Variants in KATNA1 observed in about 807,000 individuals in gnomAD.
KATNA1 encodes katanin p60 ATPase-containing subunit A1.
In KATNA1, 42 loss-of-function variants were observed where a neutral mutation model predicts 62.6. That is an observed-to-expected ratio of 0.67 (90% CI 0.52 to 0.87). KATNA1 has a LOEUF of 0.87. Ranked by LOEUF, KATNA1 falls within the 40% of genes least tolerant of loss-of-function variation. The pLI is 0.00. For missense variants in KATNA1, 498 were observed against 612.5 expected, an observed-to-expected ratio of 0.81 and a Z score of 1.97; for synonymous variants, 186 against 201.9, an observed-to-expected ratio of 0.92 and a Z score of 0.67.
chr6:149,602,321 C>T (rs575501868), intron 6 of KATNA1, among the ~76,000 whole-genome samples: 3 of 152,272 alleles, frequency 2.0e-5, no homozygotes, highest in East Asian at 3.9e-4. Context: ...GAGGCAAGAT[C>T]GCACTGCACT....
chr6:149,635,861 A>G (rs1780047221), intron 2 of KATNA1, among the ~76,000 whole-genome samples: 1 of 151,818 alleles, frequency 6.6e-6, no homozygotes, highest in Admixed American at 6.6e-5. Flanking sequence ...GTTTGAGACC[A>G]GCTGGCTACA....
intron 4 of KATNA1, among the ~76,000 whole-genome samples, chr6:149,614,609 A>G (rs1469508551): frequency 6.6e-6 from 1 of 152,094 alleles, no homozygotes; most frequent in Non-Finnish European, 1.5e-5. Flanking sequence ...CTGTCTCTAC[A>G]AAAAAGATGA....
chr6:149,623,257 T>A lies in KATNA1; in HGVS notation c.347A>T (p.Gln116Leu), dbSNP rs1245514300. ...RRPSPGPRKR[Q>L]SSQYSDPKSH... ...TTTAGGGTCACTGTACTGAGAAGAT[T>A]GGCGTTTTCTAGGTCCTGGTGAGGG... The change falls in exon 4 of 11, where the codon CAA becomes CTA. Residue 116 changes from glutamine (Q) to leucine (L), a missense_variant. Gln to Leu is a moderately radical substitution (Grantham distance 113, BLOSUM62 -2). This residue lies in a region of KATNA1 where 203 missense variants were observed against 198.4 expected (regional missense o/e 1.02). Coordinates refer to ENST00000367411, the MANE Select transcript of KATNA1 (RefSeq NM_007044.4). 1 of 1,600,050 alleles carries A rather than the reference T, an allele frequency of 6.2e-7. No homozygotes were observed. The highest frequency in any genetic ancestry group is 8.5e-7 in the Non-Finnish European group (1 of 1,176,800).
intron 1 of KATNA1, among the ~76,000 whole-genome samples, chr6:149,648,082 G>C (rs1392543438): frequency 6.6e-6 from 1 of 152,086 alleles, no homozygotes; most frequent in Non-Finnish European, 1.5e-5. Flanking sequence ...TTTAAGAAAA[G>C]AAGTTGCCTC....
At chr6:149,643,165 C>A (rs1356443212) in intron 1 of KATNA1, among the ~76,000 whole-genome samples, 1 of 152,222 alleles carries the variant, frequency 6.6e-6, no homozygotes, top group Non-Finnish European at 1.5e-5. Flanking sequence ...CAGTGAGGAA[C>A]TGAGACCCTC....
chr6:149,603,288 C>T lies in KATNA1; in HGVS notation c.709G>A (p.Gly237Ser). The T allele has an allele frequency of 6.4e-7, 1 of 1,562,962 alleles. No individual in the cohort carries two copies. Among genetic ancestry groups the T allele is most frequent in the Non-Finnish European group, 8.8e-7 (1 of 1,139,478 alleles). Residue 237 changes from glycine (G) to serine (S), a missense_variant, in exon 6 of 11, where the codon GGC becomes AGC. By Grantham distance (56) the Gly-to-Ser change is moderately conservative. This residue lies in a region of KATNA1 where 267 missense variants were observed against 372.6 expected (regional missense o/e 0.72). Coordinates refer to ENST00000367411, the MANE Select transcript of KATNA1 (RefSeq NM_007044.4). ...CTTACTTTCCATGGTCTCCTAATGC[C>T]CTTAAAGAATTCGGGCATCCACATT... ...LPMWMPEFFK[G>S]IRRPWKGVLM...
intron 1 of KATNA1, among the ~76,000 whole-genome samples, chr6:149,639,012 T>C (rs1267406658): frequency 2.6e-5 from 4 of 151,654 alleles, no homozygotes; most frequent in Non-Finnish European, 5.9e-5. Flanking sequence ...GTGCTGGGAT[T>C]ACAGGCATGA....
In KATNA1 at chr6:149,616,204, G is replaced by A. The variant is rs556906736; in HGVS notation, c.501+6899C>T. Among the ~76,000 whole-genome samples the A allele has an allele frequency of 4.6e-5, 7 of 152,252 alleles. No homozygotes were observed. In the East Asian group the frequency reaches 7.7e-4, roughly 17 times the overall value. On this transcript the variant is annotated intron_variant, in intron 4 of 10. Transcript: ENST00000367411. ...CAACTGCACCGTACACTTAAAAACC[G>A]TTAAAATGGTAAATTTTATGTTATG...
At position 149,621,315 on chromosome 6, in the gene KATNA1, G is replaced by C. The variant is rs1376453175; in HGVS notation, c.501+1788C>G. ...ATTTTTTTGTATTTTTAGTAGAGAC[G>C]GGGATTCACCGTGTTAGCCAGGATG... On this transcript the variant is annotated intron_variant, in intron 4 of 10. Transcript: ENST00000367411. Among the ~76,000 whole-genome samples the C allele has an allele frequency of 2.7e-5, 4 of 150,736 alleles. No individual in the cohort carries two copies. The South Asian group carries it at 8.4e-4, about 32-fold the overall frequency.
At chr6:149,644,643 T>A (rs1225554042) in intron 1 of KATNA1, among the ~76,000 whole-genome samples, 2 of 151,838 alleles carry the variant, frequency 1.3e-5, no homozygotes, top group African/African-American at 4.8e-5. Flanking sequence ...TAAAATAAAA[T>A]AAAAATAAAT....
intron 4 of KATNA1, among the ~76,000 whole-genome samples, chr6:149,612,091 C>A (rs148400373): frequency 2.1e-3 from 313 of 152,292 alleles, no homozygotes; most frequent in African/African-American, 7.2e-3. Flanking sequence ...TTGAAAATCA[C>A]AAACTACCAC....
rs767403699 is a variant in KATNA1, at chr6:149,632,659, C to T, written c.320+100G>A. 3.1e-6 allele frequency: 3 copies of T among 956,580 alleles called. No individual in the cohort carries two copies. The African/African-American group carries it at 5.0e-5, about 16-fold the overall frequency. The allele number at this position is 956,580 out of a possible 1,614,324, so 59.3% of individuals were successfully genotyped here. The stretch of plus-strand genomic sequence containing the variant: ...AGAGAACGTTCAGTAAAGAAAACTC[C>T]CTCCCATTCCTGTCTCTCAGCCACC... On this transcript the variant is annotated intron_variant, in intron 3 of 10. Transcript: ENST00000367411.
Position 149,604,795 on chromosome 6 carries a change from A to T in KATNA1, c.502-13T>A. 6.2e-7 allele frequency: 1 copy of T among 1,604,988 alleles called. No individual in the cohort carries two copies. The highest frequency in any genetic ancestry group is 8.5e-7 in the Non-Finnish European group (1 of 1,177,668). ...CAGGTGATTTGTTCTACATGAAGAGAAAAAAACAAGCGCTTTTGATTCATT... is the reference window on the plus strand; with the variant it reads ...CAGGTGATTTGTTCTACATGAAGAGTAAAAAACAAGCGCTTTTGATTCATT... On this transcript the variant is annotated splice_polypyrimidine_tract_variant and intron_variant, in intron 4 of 10. Transcript: ENST00000367411.
In KATNA1 at chr6:149,595,288, T is replaced by C. The variant is rs1277714785; in HGVS notation, c.1278-54A>G. Reference sequence around the variant, plus strand: ...CACACACAATGTTACTTTGGTTAAATGAAAACCTGTTAATAGAAAAATTTT... The same window carrying C: ...CACACACAATGTTACTTTGGTTAAACGAAAACCTGTTAATAGAAAAATTTT... On this transcript the variant is annotated intron_variant, in intron 10 of 10. Transcript: ENST00000367411. 1.4e-5 allele frequency: 21 copies of C among 1,463,504 alleles called. No individual in the cohort carries two copies. The East Asian group carries it at 4.4e-4, about 30-fold the overall frequency. 90.7% of individuals were successfully genotyped at this position (1,463,504 alleles called of 1,614,324 possible). A position where few individuals can be genotyped will look rare whatever the true frequency, so the allele number is the denominator to read the frequency against.
At chr6:149,597,774 CTT>C (rs1202743201) in intron 8 of KATNA1, 133 bp from the exon 9 acceptor site, 3 of 740,172 alleles carry the variant, frequency 4.1e-6, no homozygotes, top group African/African-American at 3.5e-5. Flanking sequence ...CTCCTTAAGA[CTT>C]AGGTTAACTG....
intron 2 of KATNA1, among the ~76,000 whole-genome samples, chr6:149,636,966 T>C (rs1458944595): frequency 6.6e-6 from 1 of 151,984 alleles, no homozygotes; most frequent in Non-Finnish European, 1.5e-5. Context: ...AACCTTTTTT[T>C]CCTCTTTGAC....
Position 149,598,292 on chromosome 6 carries a change from C to A in KATNA1, c.947G>T (p.Arg316Leu). The A allele has an allele frequency of 6.2e-7, 1 of 1,613,634 alleles. No homozygotes were observed. Among genetic ancestry groups the A allele is most frequent in the East Asian group, 2.2e-5 (1 of 44,870 alleles). ...TTCATGTTCTTCAGAAGTCCCTCGG[C>A]GACTACAGATGGAGTCTATCTCATC... ...FIDEIDSICS[R>L]RGTSEEHEAS... The change falls in exon 8 of 11, where the codon CGC becomes CTC. Residue 316 changes from arginine to leucine, a missense_variant. This residue lies in a region of KATNA1 where 267 missense variants were observed against 372.6 expected (regional missense o/e 0.72). Coordinates refer to ENST00000367411, the MANE Select transcript of KATNA1 (RefSeq NM_007044.4).
chr6:149,623,632 G>A (rs1172633017), intron 3 of KATNA1, among the ~76,000 whole-genome samples: 2 of 152,032 alleles, frequency 1.3e-5, no homozygotes, highest in Non-Finnish European at 2.9e-5. Context: ...CAGCCACTCG[G>A]GAGGCTGAAG....
chr6:149,595,262 A>G (rs755265531), intron 10 of KATNA1, 28 bp from the exon 11 acceptor site: 2 of 1,575,032 alleles, frequency 1.3e-6, no homozygotes, highest in East Asian at 2.2e-5. Context: ...AACAACAACA[A>G]CACACACAAT....
Sources: allele counts gnomAD v4.1 joint callset (sites outside exome capture counted in the v4.1 genomes callset), GRCh38; gene constraint gnomAD v4.1.1; regional missense constraint gnomAD v4.1.1; transcripts MANE v1.5; gene names NCBI Gene and HGNC (gene_info 2026-07-23, HGNC 2026-07-21).